PCDH10: variants seen among roughly 807,000 people sequenced by gnomAD.
PCDH10 encodes the protein protocadherin-10.
In PCDH10, 15 loss-of-function variants were observed where a neutral mutation model predicts 74.4. That is an observed-to-expected ratio of 0.20 (90% CI 0.13 to 0.31). The LOEUF is 0.31. PCDH10 is among the 10% of genes least tolerant of loss of function. PCDH10 has a pLI of 1.00. For synonymous variants in PCDH10, 619 were observed against 589.8 expected, an observed-to-expected ratio of 1.05 and a Z score of -0.72; for missense variants, 1,260 against 1,390.2, an observed-to-expected ratio of 0.91 and a Z score of 1.49.
Position 133,163,234 on chromosome 4 carries a change from G to A in PCDH10, c.3055G>A (p.Asp1019Asn). The A allele has an allele frequency of 1.9e-6, 3 of 1,614,022 alleles. No homozygotes were observed. The highest frequency in any genetic ancestry group is 2.2e-5 in the East Asian group (1 of 44,862). Reference sequence around the variant, plus strand: ...CAGCACTCTGGAGAGGAAGGAGCTGGATGGACTGCTGACTAATACGCGAGC... The same window carrying A: ...CAGCACTCTGGAGAGGAAGGAGCTGAATGGACTGCTGACTAATACGCGAGC... ...LHSTLERKEL[D>N]GLLTNTRAPY... The change falls in exon 4 of 5, where the codon GAT (aspartate) becomes AAT (asparagine). Residue 1019 changes from aspartate (D) to asparagine (N), a missense_variant. Transcript: ENST00000264360.
intron 2 of PCDH10, among the ~76,000 whole-genome samples, chr4:133,205,049 A>C (rs1025052596): frequency 6.6e-6 from 1 of 152,082 alleles, no homozygotes. Flanking sequence ...ACTGAAACCC[A>C]CTATCAGGAA....
intron 4 of PCDH10, among the ~76,000 whole-genome samples, chr4:133,168,402 C>A (rs1432135062): frequency 5.3e-5 from 8 of 151,328 alleles, no homozygotes; most frequent in Non-Finnish European, 8.9e-5. Context: ...CAATAAATTT[C>A]TATTCCCCCA....
At chr4:133,157,660 A>G (rs1181896709) in intron 3 of PCDH10, among the ~76,000 whole-genome samples, 2 of 152,178 alleles carry the variant, frequency 1.3e-5, no homozygotes, top group African/African-American at 4.8e-5. Flanking sequence ...ATTCCACACT[A>G]TAGTGTACAG....
intron 4 of PCDH10, among the ~76,000 whole-genome samples, chr4:133,172,161 G>C (rs1039444786): frequency 6.6e-6 from 1 of 151,908 alleles, no homozygotes; most frequent in Non-Finnish European, 1.5e-5. Flanking sequence ...TGATACAACT[G>C]CTCCTTCGTT....
chr4:133,182,481 CTG>C (rs1400536719), intron 4 of PCDH10, among the ~76,000 whole-genome samples: 4 of 151,902 alleles, frequency 2.6e-5, no homozygotes, highest in African/African-American at 9.7e-5. Context: ...TAAGATATAA[CTG>C]AGTGAATTGT....
rs2125875429 is a variant in PCDH10 at position 133,194,342 on chromosome 4, A to C, written c.*4182A>C. 6.6e-6 allele frequency: 1 copy of C among 151,972 alleles called. No homozygotes were observed. The highest frequency in any genetic ancestry group is 1.9e-4 in the East Asian group (1 of 5,176). The allele number at this position is 151,972 out of a possible 1,614,324, so 9.4% of individuals were successfully genotyped here. ...TACTAAATTTCACATGAGACTCAAA[A>C]ATTTCTGAATGATGGAACTCAGACT... is the stretch of plus-strand genomic sequence containing the variant. On this transcript the variant is annotated 3_prime_UTR_variant, in exon 5 of 5. Coordinates refer to ENST00000264360, the MANE Select transcript of PCDH10 (RefSeq NM_032961.3).
At chr4:133,179,471 A>G (rs573198694) in intron 4 of PCDH10, among the ~76,000 whole-genome samples, 10 of 152,214 alleles carry the variant, frequency 6.6e-5, no homozygotes, top group African/African-American at 1.7e-4. Context: ...GCTTCTTCAT[A>G]GATACTTTTT....
chr4:133,165,715 T>C (rs1560708837), intron 4 of PCDH10, among the ~76,000 whole-genome samples: 1 of 151,784 alleles, frequency 6.6e-6, no homozygotes, highest in Non-Finnish European at 1.5e-5. Context: ...GTTATGTTTT[T>C]GTAAAGCTCT....
At chr4:133,187,356 T>C (rs527868190) in intron 4 of PCDH10, among the ~76,000 whole-genome samples, 1 of 152,210 alleles carries the variant, frequency 6.6e-6, no homozygotes, top group East Asian at 1.9e-4. Flanking sequence ...AGGACATGCA[T>C]AGGATATATG....
chr4:133,194,814 ATTTATAGC>A (rs1727758409), downstream of PCDH10: 1 of 152,000 alleles, frequency 6.6e-6, no homozygotes, highest in Non-Finnish European at 1.5e-5. Context: ...ATTTCATTAT[ATTTATAGC>A]TTTGAAAGTA....
chr4:133,187,694 AAGC>A (rs1727571861), intron 4 of PCDH10, among the ~76,000 whole-genome samples: 1 of 152,164 alleles, frequency 6.6e-6, no homozygotes, highest in Non-Finnish European at 1.5e-5. Flanking sequence ...ACGTAACTCT[AAGC>A]AGCAATTAAA....
intron 4 of PCDH10, among the ~76,000 whole-genome samples, chr4:133,171,648 T>A (rs1483529915): frequency 6.6e-6 from 1 of 152,140 alleles, no homozygotes; most frequent in Non-Finnish European, 1.5e-5. Flanking sequence ...CACAGGTAGA[T>A]TTAATTTGAA....
intron 1 of PCDH10, chr4:133,153,975 A>T (rs1726803786): frequency 4.6e-6 from 1 of 218,894 alleles, no homozygotes; most frequent in Admixed American, 6.1e-5. Context: ...AAAAGACAGC[A>T]GAATATAAAC....
At chr4:133,198,939 T>G (rs1236330971), downstream of PCDH10, among the ~76,000 whole-genome samples, 1 of 151,818 alleles carries the variant, frequency 6.6e-6, no homozygotes, top group African/African-American at 2.4e-5. Flanking sequence ...CAATAAAAGA[T>G]AAAAATAAAT....
At chr4:133,153,287 A>G (rs1380705224) in intron 1 of PCDH10, 2 of 1,007,050 alleles carry the variant, frequency 2.0e-6, no homozygotes, top group Non-Finnish European at 1.2e-6. Flanking sequence ...TTTAGTGAAC[A>G]AGTTACCAGA....
At chr4:133,199,902 A>G (rs1311854954) in intron 2 of PCDH10, among the ~76,000 whole-genome samples, 2 of 150,936 alleles carry the variant, frequency 1.3e-5, no homozygotes, top group Non-Finnish European at 3.0e-5. Context: ...AGTTCACGCC[A>G]TTCTGCTGCC....
downstream of PCDH10, among the ~76,000 whole-genome samples, chr4:133,198,156 C>T (rs1297688526): frequency 6.6e-6 from 1 of 152,038 alleles, no homozygotes; most frequent in Non-Finnish European, 1.5e-5. Context: ...ATTTGATCAT[C>T]AACAAGCTGG....
chr4:133,208,468 T>G (rs1001058825), exon 3 of PCDH10: 43 of 152,300 alleles, frequency 2.8e-4, no homozygotes, highest in African/African-American at 1.0e-3. Context: ...GTACACACCC[T>G]GTTGCTTTAC....
At chr4:133,161,818 G>T (rs1726976808) in intron 3 of PCDH10, among the ~76,000 whole-genome samples, 1 of 152,024 alleles carries the variant, frequency 6.6e-6, no homozygotes, top group Non-Finnish European at 1.5e-5. Context: ...GAGCTGGGGA[G>T]CTTCTTAGCC....
Sources: allele counts gnomAD v4.1 joint callset (sites outside exome capture counted in the v4.1 genomes callset), GRCh38; gene constraint gnomAD v4.1.1; transcripts MANE v1.5; gene names NCBI Gene and HGNC (gene_info 2026-07-23, HGNC 2026-07-21).